Variants in DLG2 observed in about 807,000 individuals in gnomAD.
The protein encoded by DLG2 is discs large MAGUK scaffold protein 2, also known as disks large homolog 2.
A neutral mutation model predicts 132.5 loss-of-function variants in DLG2; 45 were observed. That is an observed-to-expected ratio of 0.34 (90% CI 0.27 to 0.44). The LOEUF is 0.44. Ranked by LOEUF, DLG2 falls within the 20% of genes least tolerant of loss-of-function variation. The pLI is 1.00. For missense variants in DLG2, 1,045 were observed against 1,196.9 expected, an observed-to-expected ratio of 0.87 and a Z score of 1.87; for synonymous variants, 424 against 419.6, an observed-to-expected ratio of 1.01 and a Z score of -0.13.
rs1390038640 is a variant in DLG2 at position 85,389,413 on chromosome 11, C to G, written c.41-104048G>C. Among the ~76,000 whole-genome samples, 4 of 152,290 alleles carry G rather than the reference C, an allele frequency of 2.6e-5. No homozygotes were observed. The East Asian group carries it at 7.7e-4, about 29-fold the overall frequency. ...GATGCTCCCAAGGAAGAAGAGAAAT[C>G]TAAAAGTTTGGAAAACATATTTGAG... On this transcript the variant is annotated intron_variant, in intron 3 of 27. Coordinates refer to ENST00000376104, the MANE Select transcript of DLG2 (RefSeq NM_001142699.3).
chr11:84,714,549 T>TTCTCTTTCTCTCTCTC (rs1565748003), intron 6 of DLG2, among the ~76,000 whole-genome samples: 10 of 59,182 alleles, frequency 1.7e-4, no homozygotes, highest in Non-Finnish European at 2.6e-4. Context: ...CTCTTTCTCT[T>TTCTCTTTCTCTCTCTC]TCTCTCTCTT....
chr11:85,167,345 A>G (rs2078526397), intron 4 of DLG2, among the ~76,000 whole-genome samples: 1 of 152,120 alleles, frequency 6.6e-6, no homozygotes, highest in African/African-American at 2.4e-5. Context: ...CTCTTCATAC[A>G]AAAGAAATGT....
At chr11:85,611,374 G>A (rs2080989244) in intron 2 of DLG2, among the ~76,000 whole-genome samples, 1 of 152,186 alleles carries the variant, frequency 6.6e-6, no homozygotes, top group Non-Finnish European at 1.5e-5. Context: ...AAGGACCGGT[G>A]CTTCAAATAC....
intron 6 of DLG2, among the ~76,000 whole-genome samples, chr11:84,613,847 C>T (rs1025828976): frequency 7.9e-5 from 12 of 152,164 alleles, no homozygotes; most frequent in African/African-American, 2.4e-4. Flanking sequence ...AGAGAACTCA[C>T]ATCAGAAAGT....
intron 6 of DLG2, among the ~76,000 whole-genome samples, chr11:85,037,778 T>A (rs1366058788): frequency 1.3e-5 from 2 of 152,146 alleles, no homozygotes; most frequent in Non-Finnish European, 2.9e-5. Flanking sequence ...AACCTAAATG[T>A]AGGGGTGGGA....
chr11:83,566,278 T>G (rs983047259), intron 19 of DLG2, among the ~76,000 whole-genome samples: 1 of 152,190 alleles, frequency 6.6e-6, no homozygotes, highest in Non-Finnish European at 1.5e-5. Context: ...ATTTTCCTAA[T>G]AGGTCAGCAA....
At chr11:85,615,881 C>G (rs2081299303) in intron 2 of DLG2, among the ~76,000 whole-genome samples, 1 of 151,924 alleles carries the variant, frequency 6.6e-6, no homozygotes, top group Non-Finnish European at 1.5e-5. Context: ...GAAGGGGACT[C>G]TGACATTTCT....
At chr11:85,269,054 T>C (rs1034030085) in intron 4 of DLG2, among the ~76,000 whole-genome samples, 3 of 152,224 alleles carry the variant, frequency 2.0e-5, no homozygotes, top group African/African-American at 4.8e-5. Flanking sequence ...TCTAACCATA[T>C]AGCTACTAGC....
chr11:85,242,815 T>C (rs1418671736), intron 4 of DLG2, among the ~76,000 whole-genome samples: 1 of 151,972 alleles, frequency 6.6e-6, no homozygotes, highest in Non-Finnish European at 1.5e-5. Context: ...ACATGGTACC[T>C]GTAATCTATA....
At chr11:83,620,892 A>AAAAAAAAAAAAAAAC (rs2061534460) in intron 19 of DLG2, among the ~76,000 whole-genome samples, 1 of 150,916 alleles carries the variant, frequency 6.6e-6, no homozygotes, top group African/African-American at 2.4e-5. Flanking sequence ...AAAAAAAAAA[A>AAAAAAAAAAAAAAAC]AATGCATTCC....
At chr11:84,608,405 G>T (rs2099589539) in intron 6 of DLG2, among the ~76,000 whole-genome samples, 1 of 152,130 alleles carries the variant, frequency 6.6e-6, no homozygotes, top group Non-Finnish European at 1.5e-5. Flanking sequence ...TTCTGAAAAG[G>T]CACTCTTCAC....
intron 3 of DLG2, among the ~76,000 whole-genome samples, chr11:85,579,073 C>T (rs142309863): frequency 1.5e-4 from 23 of 152,212 alleles, no homozygotes; most frequent in African/African-American, 4.8e-4. Context: ...ATGATTATGT[C>T]CTTTGCAGGA....
intron 3 of DLG2, among the ~76,000 whole-genome samples, chr11:85,409,814 C>T (rs2089152161): frequency 6.6e-6 from 1 of 151,752 alleles, no homozygotes; most frequent in African/African-American, 2.4e-5. Flanking sequence ...AAGAGAAGTA[C>T]TTAAAACTCA....
chr11:84,121,541 ATTTTTTTTTTTTTTTTTTTTT>A (rs869183421), intron 9 of DLG2, among the ~76,000 whole-genome samples: 2 of 66,670 alleles, frequency 3.0e-5, no homozygotes. Context: ...TTCCTTGCTA[ATTTTTTTTTTTTTTTTTTTTT>A]TTTTTTTTTT....
chr11:84,677,325 A>G (rs1007930853), intron 6 of DLG2, among the ~76,000 whole-genome samples: 1 of 152,076 alleles, frequency 6.6e-6, no homozygotes, highest in Non-Finnish European at 1.5e-5. Context: ...TTTAAACTTC[A>G]TAGTCTGGAA....
chr11:84,869,339 T>A (rs1477044480), intron 6 of DLG2, among the ~76,000 whole-genome samples: 2 of 152,188 alleles, frequency 1.3e-5, no homozygotes, highest in Non-Finnish European at 2.9e-5. Flanking sequence ...CGGTACCTAA[T>A]GGATAGCTGG....
chr11:85,552,379 C>G (rs2076714730), intron 3 of DLG2, among the ~76,000 whole-genome samples: 1 of 151,508 alleles, frequency 6.6e-6, no homozygotes, highest in Non-Finnish European at 1.5e-5. Flanking sequence ...CAGACTTCTG[C>G]TGAAAATTAA....
intron 6 of DLG2, among the ~76,000 whole-genome samples, chr11:84,948,230 C>A (rs1433405531): frequency 7.2e-5 from 11 of 152,210 alleles, no homozygotes; most frequent in Non-Finnish European, 1.3e-4. Context: ...AACTTCTGTT[C>A]TGTTCTGTTT....
intron 15 of DLG2, among the ~76,000 whole-genome samples, chr11:83,888,543 T>C (rs2068656083): frequency 6.6e-6 from 1 of 152,152 alleles, no homozygotes; most frequent in African/African-American, 2.4e-5. Flanking sequence ...ATTTATAGAT[T>C]CAATGCCATC....
Sources: gnomAD v4.1 joint callset for allele counts (sites outside exome capture counted in the v4.1 genomes callset) on GRCh38, gnomAD v4.1.1 for gene constraint, MANE v1.5 for transcripts, NCBI Gene and HGNC (gene_info 2026-07-23, HGNC 2026-07-21) for gene names.